Variants in GRHL2 observed in about 807,000 individuals in gnomAD.
GRHL2 encodes the protein grainyhead like transcription factor 2.
GRHL2 carries 21 observed loss-of-function variants against 83.8 expected under a neutral mutation model. The observed-to-expected ratio is 0.25, with a 90% CI of 0.18 to 0.36. GRHL2 has a LOEUF of 0.36. Among genes scored for constraint, GRHL2 ranks in the 10% least tolerant of loss-of-function variants. The pLI is 1.00. For missense variants in GRHL2, 623 were observed against 781.8 expected (o/e 0.80, Z 2.42); for synonymous variants, 280 against 278.9 (o/e 1.00, Z -0.04).
At chr8:101,649,642 T>C (rs1463128769) in intron 14 of GRHL2, 143 bp downstream of exon 14, 16 of 712,062 alleles carry the variant, frequency 2.2e-5, no homozygotes, top group East Asian at 1.6e-4. Context: ...TGTGGAGGCA[T>C]TGATCTCGCT....
chr8:101,527,218 T>A (rs1349992262), intron 1 of GRHL2, among the ~76,000 whole-genome samples: 4 of 152,238 alleles, frequency 2.6e-5, no homozygotes, highest in Non-Finnish European at 4.4e-5. Context: ...AATTTCTATA[T>A]CCTATCTTTA....
At chr8:101,573,562 G>A (rs1258448416) in intron 5 of GRHL2, 106 bp from the exon 6 acceptor site, 1 of 1,385,490 alleles carries the variant, frequency 7.2e-7, no homozygotes, top group Non-Finnish European at 1.0e-6. Context: ...CTCTAAAACA[G>A]TAAACATTGG....
chr8:101,492,713 C>T lies in GRHL2; in HGVS notation c.-57C>T. Reference sequence around the variant, plus strand: ...CTTCACCTGCACAGACTTGAAAGTCCAGTTTCACCAGAGGCTGAGGCTCCA... The same window carrying T: ...CTTCACCTGCACAGACTTGAAAGTCTAGTTTCACCAGAGGCTGAGGCTCCA... On this transcript the variant is annotated 5_prime_UTR_variant, in exon 1 of 16. Coordinates refer to ENST00000646743, the MANE Select transcript of GRHL2 (RefSeq NM_024915.4). The T allele has an allele frequency of 6.6e-7, 1 of 1,517,754 alleles. No individual in the cohort carries two copies. The highest frequency in any genetic ancestry group is 1.7e-5 in the Admixed American group (1 of 59,902). The allele number at this position is 1,517,754 out of a possible 1,614,324, so 94.0% of individuals were successfully genotyped here. A position where few individuals can be genotyped will look rare whatever the true frequency, so the allele number is the denominator to read the frequency against.
At chr8:101,588,533 A>G (rs540399786) in intron 7 of GRHL2, among the ~76,000 whole-genome samples, 24 of 152,300 alleles carry the variant, frequency 1.6e-4, no homozygotes, top group African/African-American at 5.5e-4. Context: ...TTACCTTCCT[A>G]CGTCACTTAA....
intron 5 of GRHL2, among the ~76,000 whole-genome samples, chr8:101,571,487 A>G (rs11784540): frequency 1.2e-5 from 1 of 84,876 alleles, no homozygotes; most frequent in Non-Finnish European, 2.7e-5. Context: ...AGACCCCATT[A>G]CATAAAAAAA....
chr8:101,677,375 T>A, the GRHL2 span, among the ~76,000 whole-genome samples: 1 of 152,008 alleles, frequency 6.6e-6, no homozygotes, highest in Non-Finnish European at 1.5e-5. Context: ...AGGCATTGGC[T>A]GTGAGCTTGG....
intron 12 of GRHL2, among the ~76,000 whole-genome samples, chr8:101,642,574 A>G (rs150775613): frequency 1.3e-5 from 2 of 152,320 alleles, no homozygotes; most frequent in African/African-American, 4.8e-5. Flanking sequence ...ACCTGCTTTT[A>G]CGACAAGGTA....
intron 2 of GRHL2, among the ~76,000 whole-genome samples, chr8:101,548,517 T>G (rs1811312556): frequency 6.6e-6 from 1 of 152,030 alleles, no homozygotes; most frequent in Non-Finnish European, 1.5e-5. Context: ...GACAGAGAGT[T>G]GGTGAGGGGA....
intron 14 of GRHL2, among the ~76,000 whole-genome samples, chr8:101,656,200 CTG>C (rs1813782792): frequency 6.6e-6 from 1 of 152,214 alleles, no homozygotes; most frequent in Non-Finnish European, 1.5e-5. Flanking sequence ...AGATCAGGGG[CTG>C]TGTTTCTTTT....
chr8:101,629,248 C>G lies in GRHL2; in HGVS notation c.1258-2389C>G, dbSNP rs371872766. ...CTGATCAGTCAGCAGCTATTAACAT[C>G]AAGGTAAGACCATCTATTAGCAAAA... On this transcript the variant is annotated intron_variant, in intron 9 of 15. Coordinates refer to ENST00000646743, the MANE Select transcript of GRHL2 (RefSeq NM_024915.4). 2.2e-4 allele frequency among the ~76,000 whole-genome samples: 33 copies of G among 151,968 alleles called. 5 individuals are homozygous for G. The highest frequency in any genetic ancestry group is 1.7e-3 in the Admixed American group (26 of 15,240).
intron 4 of GRHL2, among the ~76,000 whole-genome samples, chr8:101,569,571 G>A (rs1412646914): frequency 1.3e-5 from 2 of 152,204 alleles, no homozygotes; most frequent in African/African-American, 4.8e-5. Flanking sequence ...TTGGGCTCAA[G>A]CGATGCTTCC....
chr8:101,603,432 C>T (rs1380547951), intron 8 of GRHL2, among the ~76,000 whole-genome samples: 1 of 152,184 alleles, frequency 6.6e-6, no homozygotes, highest in Non-Finnish European at 1.5e-5. Flanking sequence ...TTCTCCAAAG[C>T]ATACATTTTC....
chr8:101,510,776 C>T lies in GRHL2; in HGVS notation c.20+17987C>T, dbSNP rs139505655. Among the ~76,000 whole-genome samples the T allele has an allele frequency of 7.2e-4, 109 of 152,096 alleles. 4 individuals are homozygous for T. In the East Asian group the frequency reaches 0.012, roughly 17 times the overall value. On this transcript the variant is annotated intron_variant, in intron 1 of 15. Transcript: ENST00000646743. ...CTAGGCATTGTACCACATATAAGTG[C>T]GCATGCATTTGAGAGTTTTAAAATT...
At chr8:101,533,705 T>A (rs1810985407) in intron 1 of GRHL2, among the ~76,000 whole-genome samples, 1 of 152,030 alleles carries the variant, frequency 6.6e-6, no homozygotes, top group Non-Finnish European at 1.5e-5. Context: ...TTAAATAGGG[T>A]AGTCAGGTTA....
chr8:101,623,136 A>G (rs1385737116), intron 9 of GRHL2, among the ~76,000 whole-genome samples: 1 of 152,248 alleles, frequency 6.6e-6, no homozygotes, highest in Non-Finnish European at 1.5e-5. Context: ...AGGAAAACAG[A>G]AAGAAAACGC....
chr8:101,677,891 G>T, the GRHL2 span, among the ~76,000 whole-genome samples: 1 of 151,998 alleles, frequency 6.6e-6, no homozygotes, highest in Non-Finnish European at 1.5e-5. Flanking sequence ...ATAGATCATT[G>T]GTGATACCCT....
At chr8:101,625,542 G>A (rs1049596066) in intron 9 of GRHL2, among the ~76,000 whole-genome samples, 6 of 151,850 alleles carry the variant, frequency 4.0e-5, no homozygotes, top group African/African-American at 7.2e-5. Flanking sequence ...GGGAGAGGGC[G>A]AAAAAGAGGA....
the GRHL2 span, among the ~76,000 whole-genome samples, chr8:101,676,463 C>T: frequency 6.8e-4 from 104 of 152,220 alleles, 1 homozygote; most frequent in South Asian, 1.2e-3. Context: ...TGAAAAAATG[C>T]TCAACATCAC....
intron 14 of GRHL2, among the ~76,000 whole-genome samples, chr8:101,664,239 G>T (rs1447703792): frequency 6.6e-6 from 1 of 152,162 alleles, no homozygotes; most frequent in Admixed American, 6.5e-5. Flanking sequence ...TTTTATCATA[G>T]ATTGAATTCC....
Sources: allele counts gnomAD v4.1 joint callset (sites outside exome capture counted in the v4.1 genomes callset), GRCh38; gene constraint gnomAD v4.1.1; transcripts MANE v1.5; gene names NCBI Gene and HGNC (gene_info 2026-07-23, HGNC 2026-07-21).